Variants in XKR4 observed in about 807,000 individuals in gnomAD.
XKR4 encodes XK related 4, also known as XK-related protein 4.
A neutral mutation model predicts 53.9 loss-of-function variants in XKR4; 12 were observed. The observed-to-expected ratio is 0.22, with a 90% CI of 0.14 to 0.36. The LOEUF is 0.36. XKR4 is among the 10% of genes least tolerant of loss of function. The pLI is 1.00. For synonymous variants in XKR4, 354 were observed against 362.4 expected, an observed-to-expected ratio of 0.98 and a Z score of 0.26; for missense variants, 799 against 859.5, an observed-to-expected ratio of 0.93 and a Z score of 0.88.
chr8:55,524,289 A>T lies in XKR4; in HGVS notation c.*62A>T, dbSNP rs1806849586. The stretch of plus-strand genomic sequence containing the variant: ...AAGGGGTGACAGCAGGGCTGTGGCC[A>T]TAATGACACTTCATCCTAGAGCAGG... On this transcript the variant is annotated 3_prime_UTR_variant, in exon 3 of 3. Coordinates refer to ENST00000327381, the MANE Select transcript of XKR4 (RefSeq NM_052898.2). 2.0e-6 allele frequency: 3 copies of T among 1,481,056 alleles called. No homozygotes were observed. Among genetic ancestry groups the T allele is most frequent in the Non-Finnish European group, 2.8e-6 (3 of 1,084,922 alleles). The allele number at this position is 1,481,056 out of a possible 1,614,324, so 91.7% of individuals were successfully genotyped here. A position where few individuals can be genotyped will look rare whatever the true frequency, so the allele number is the denominator to read the frequency against.
chr8:55,353,362 C>A (rs1434842450), intron 1 of XKR4, among the ~76,000 whole-genome samples: 3 of 152,280 alleles, frequency 2.0e-5, no homozygotes, highest in South Asian at 4.1e-4. Context: ...GACACACACA[C>A]AGGGAGAATG....
chr8:55,169,769 C>A (rs1187562232), intron 1 of XKR4, among the ~76,000 whole-genome samples: 4 of 152,200 alleles, frequency 2.6e-5, no homozygotes, highest in Non-Finnish European at 5.9e-5. Flanking sequence ...TGTAAAGCCA[C>A]AGTGGAACTA....
chr8:55,207,539 T>C (rs1817666117), intron 1 of XKR4, among the ~76,000 whole-genome samples: 1 of 152,156 alleles, frequency 6.6e-6, no homozygotes, highest in African/African-American at 2.4e-5. Context: ...TTTATTACCT[T>C]GTCATTATCA....
intron 1 of XKR4, among the ~76,000 whole-genome samples, chr8:55,194,085 GCTCC>G (rs1212875222): frequency 6.6e-6 from 1 of 152,270 alleles, no homozygotes; most frequent in East Asian, 1.9e-4. Context: ...GTCAGGGCCT[GCTCC>G]ATCAGTGAGC....
chr8:55,128,222 T>C (rs10090313), intron 1 of XKR4, among the ~76,000 whole-genome samples: 152,172 of 152,172 alleles, frequency 1, 76,086 homozygotes, highest in Non-Finnish European at 1. Flanking sequence ...TCCTATTTCT[T>C]GACATCCTCT....
At chr8:55,339,148 G>A (rs145642880) in intron 1 of XKR4, among the ~76,000 whole-genome samples, 7 of 152,316 alleles carry the variant, frequency 4.6e-5, no homozygotes, top group Non-Finnish European at 8.8e-5. Context: ...TTCCTGGACT[G>A]GAAACGCGAG....
intron 2 of XKR4, among the ~76,000 whole-genome samples, chr8:55,467,657 C>T (rs1472026435): frequency 1.3e-5 from 2 of 152,174 alleles, no homozygotes; most frequent in African/African-American, 2.4e-5. Context: ...TATCATTATG[C>T]TTAATCTTTG....
chr8:55,507,813 G>A (rs1806566008), intron 2 of XKR4, among the ~76,000 whole-genome samples: 1 of 152,158 alleles, frequency 6.6e-6, no homozygotes, highest in Non-Finnish European at 1.5e-5. Flanking sequence ...AAACATACGT[G>A]TGCATGTGTC....
At chr8:55,315,888 G>GA (rs1450382073) in intron 1 of XKR4, among the ~76,000 whole-genome samples, 1 of 152,046 alleles carries the variant, frequency 6.6e-6, no homozygotes, top group Non-Finnish European at 1.5e-5. Context: ...GCATCTCTCT[G>GA]AAAATCCTAA....
intron 2 of XKR4, among the ~76,000 whole-genome samples, chr8:55,424,719 A>T (rs1361179323): frequency 6.6e-6 from 1 of 152,208 alleles, no homozygotes; most frequent in Non-Finnish European, 1.5e-5. Flanking sequence ...TCACTGCCAA[A>T]TTCCTTGAAC....
chr8:55,459,364 T>C (rs1228806169), intron 2 of XKR4, among the ~76,000 whole-genome samples: 1 of 152,146 alleles, frequency 6.6e-6, no homozygotes, highest in Non-Finnish European at 1.5e-5. Context: ...CTGGCCTTAA[T>C]TTAGGCAAAA....
At chr8:55,367,377 G>A (rs1804004302) in intron 2 of XKR4, among the ~76,000 whole-genome samples, 1 of 152,128 alleles carries the variant, frequency 6.6e-6, no homozygotes, top group Non-Finnish European at 1.5e-5. Flanking sequence ...TGTGGTTGTT[G>A]ATGTACACTG....
chr8:55,437,088 TTTG>T (rs1805188436), intron 2 of XKR4, among the ~76,000 whole-genome samples: 1 of 152,264 alleles, frequency 6.6e-6, no homozygotes, highest in Admixed American at 6.5e-5. Context: ...TTTAAATGTT[TTTG>T]TTAAGGAAAT....
At chr8:55,345,314 A>T (rs934634107) in intron 1 of XKR4, among the ~76,000 whole-genome samples, 33 of 152,100 alleles carry the variant, frequency 2.2e-4, no homozygotes, top group African/African-American at 6.8e-4. Flanking sequence ...AAAAAAAAGA[A>T]TAAAAGAATA....
intron 2 of XKR4, among the ~76,000 whole-genome samples, chr8:55,508,118 T>C (rs1806571779): frequency 1.3e-5 from 2 of 152,080 alleles, no homozygotes; most frequent in South Asian, 2.1e-4. Flanking sequence ...AAATTCCTAA[T>C]TGAAAAACCT....
In XKR4 at chr8:55,523,885, G is replaced by T; in HGVS notation, c.1611G>T (p.Leu537Phe). Residue 537 changes from leucine (L) to phenylalanine (F), a missense_variant, in exon 3 of 3, where the codon TTG (leucine) becomes TTT (phenylalanine). Transcript: ENST00000327381. ...ACEDPAAAFT[L>F]PPDVATSTLR... ...AGGACCCAGCCGCTGCCTTCACTTT[G>T]CCCCCAGACGTGGCCACAAGCACCC... 1 of 1,614,086 alleles carries T rather than the reference G, an allele frequency of 6.2e-7. No homozygotes were observed. The highest frequency in any genetic ancestry group is 8.5e-7 in the Non-Finnish European group (1 of 1,180,026).
At chr8:55,163,673 C>T (rs1206451775) in intron 1 of XKR4, among the ~76,000 whole-genome samples, 1 of 152,108 alleles carries the variant, frequency 6.6e-6, no homozygotes, top group Non-Finnish European at 1.5e-5. Flanking sequence ...TGATGAAACC[C>T]TGTCTCTACA....
chr8:55,432,703 C>T (rs1220159404), intron 2 of XKR4, among the ~76,000 whole-genome samples: 1 of 152,150 alleles, frequency 6.6e-6, no homozygotes, highest in Non-Finnish European at 1.5e-5. Context: ...CCTATTGCTC[C>T]CATTTCTTCT....
At chr8:55,199,257 G>T (rs1188379568) in intron 1 of XKR4, among the ~76,000 whole-genome samples, 4 of 152,112 alleles carry the variant, frequency 2.6e-5, no homozygotes, top group Non-Finnish European at 5.9e-5. Flanking sequence ...CTAGAGAGGG[G>T]AATATCAGAA....
Sources: allele counts gnomAD v4.1 joint callset (sites outside exome capture counted in the v4.1 genomes callset), GRCh38; gene constraint gnomAD v4.1.1; transcripts MANE v1.5; gene names NCBI Gene and HGNC (gene_info 2026-07-23, HGNC 2026-07-21).